The following SRD5A3 variants were observed in gnomAD, a reference collection of about 807,000 sequenced individuals.
SRD5A3 encodes the protein polyprenal reductase.
In SRD5A3, 24 loss-of-function variants were observed where a neutral mutation model predicts 34.3. The observed-to-expected ratio is 0.70, with a 90% confidence interval of 0.51 to 0.99. SRD5A3 has a LOEUF of 0.99. SRD5A3 is among the 50% of genes least tolerant of loss of function. The probability of loss-of-function intolerance (pLI) is 0.00; values close to 1 mark genes in which losing one functional copy is unlikely to be tolerated. For synonymous variants in SRD5A3, 161 were observed against 167.3 expected, an observed-to-expected ratio of 0.96 and a Z score of 0.29; for missense variants, 350 against 388.2, an observed-to-expected ratio of 0.90 and a Z score of 0.83.
At chr4:55,354,217 C>T (rs529319332) in intron 1 of SRD5A3, among the ~76,000 whole-genome samples, 2 of 152,222 alleles carry the variant, frequency 1.3e-5, no homozygotes, top group East Asian at 1.9e-4. Flanking sequence ...CGTGTCTCAG[C>T]CTCCCAAGGA....
At position 55,346,294 on chromosome 4, in the gene SRD5A3, G is replaced by A. The variant is rs1718988066; in HGVS notation, c.-43G>A. 2 of 1,365,146 alleles carry A rather than the reference G, an allele frequency of 1.5e-6. No homozygotes were observed. The highest frequency in any genetic ancestry group is 3.1e-5 in the East Asian group (1 of 32,526). 84.6% of individuals were successfully genotyped at this position (1,365,146 alleles called of 1,614,324 possible). ...GTGGCCGCTCTTCCGCGGGCTAGCG[G>A]GCGGTGGGGGCGCCAGCAGCGCGGA... On this transcript the variant is annotated 5_prime_UTR_variant, in exon 1 of 5. Transcript: ENST00000264228.
rs1477744481 is a variant in SRD5A3, at chr4:55,361,907, AGACT to A, written c.365-2161_365-2158del. ...TTCATCTCTTCGTTTGTTTACTGTG[AGACT>A]GACTGGGGTGTTTTGGTATTTGGAG... is the stretch of plus-strand genomic sequence containing the variant. On this transcript the variant is annotated intron_variant, in intron 2 of 4. Coordinates refer to ENST00000264228, the MANE Select transcript of SRD5A3 (RefSeq NM_024592.5). Among the ~76,000 whole-genome samples, 13 of 152,324 alleles carry A rather than the reference AGACT, an allele frequency of 8.5e-5. 1 individual carries two copies. The highest frequency in any genetic ancestry group is 2.1e-4 in the South Asian group (1 of 4,830).
chr4:55,369,900 T>G lies in SRD5A3; in HGVS notation c.766T>G (p.Tyr256Asp). 3 of 1,614,192 alleles carry G rather than the reference T, an allele frequency of 1.9e-6. No homozygotes were observed. The highest frequency in any genetic ancestry group is 2.5e-6 in the Non-Finnish European group (3 of 1,180,034). Residue 256 changes from tyrosine to aspartate, a missense_variant, in exon 5 of 5, where the codon TAC becomes GAC. Physicochemically the swap from Tyr to Asp is radical, Grantham distance 160. Transcript: ENST00000264228. ...DWFEYVSSPNYLAELMIYVSM... is the reference protein window; with the variant it reads ...DWFEYVSSPNDLAELMIYVSM... ...GTTTGAATATGTTTCTTCCCCTAAC[T>G]ACTTAGCAGAGCTGATGATCTACGT...
chr4:55,369,587 C>G lies in SRD5A3; in HGVS notation c.698-245C>G. ...TCTACAAAAAATTCAAAAAATGAGC[C>G]AGGCATGGTGATGCATACCTGTGGT... On this transcript the variant is annotated intron_variant, in intron 4 of 4. Coordinates refer to ENST00000264228, the MANE Select transcript of SRD5A3 (RefSeq NM_024592.5). 3 of 524,690 alleles carry G rather than the reference C, an allele frequency of 5.7e-6. No individual in the cohort carries two copies. In the East Asian group the frequency reaches 1.0e-4, roughly 18 times the overall value. 32.5% of individuals were successfully genotyped at this position (524,690 alleles called of 1,614,324 possible).
In SRD5A3 at chr4:55,364,200, GT is replaced by G. The variant is rs1409227897; in HGVS notation, c.495del (p.Phe165LeufsTer11). 6 of 1,614,048 alleles carry G rather than the reference GT, an allele frequency of 3.7e-6. No homozygotes were observed. The highest frequency in any genetic ancestry group is 5.1e-6 in the Non-Finnish European group (6 of 1,180,044). ...SNVMIHVVQYCFGLVYYVLVG... is the reference protein window; with the variant it reads ...SNVMIHVVQYXFGLVYYVLVG... The stretch of plus-strand genomic sequence containing the variant: ...GTCATGATTCACGTCGTGCAGTACT[GT>G]TTTGGACTTGTCTATTATGTCCTTG... On this transcript the variant is annotated frameshift_variant, in exon 3 of 5. Transcript: ENST00000264228. LOFTEE classifies it high-confidence loss of function.
chr4:55,364,264 C>A lies in SRD5A3; in HGVS notation c.555C>A (p.Gly185=). Residue 185 remains glycine (G), a synonymous_variant, in exon 3 of 5, where the codon GGC becomes GGA. Transcript: ENST00000264228. ...LTVLSQVPMD[G]RNAYITGKNL... The stretch of plus-strand genomic sequence containing the variant: ...TGCTGAGCCAAGTGCCAATGGATGG[C>A]AGGAATGGTGAGTGGATCCAGCCCT... 2 of 1,614,042 alleles carry A rather than the reference C, an allele frequency of 1.2e-6. No homozygotes were observed. Among genetic ancestry groups the A allele is most frequent in the Non-Finnish European group, 1.7e-6 (2 of 1,180,006 alleles).
intron 3 of SRD5A3, 45 bp downstream of exon 3, chr4:55,364,316 A>G (rs774357161): frequency 6.3e-7 from 1 of 1,599,130 alleles, no homozygotes; most frequent in South Asian, 1.1e-5. Context: ...CCCAGGGTGT[A>G]TGATGCGCTC....
At chr4:55,360,746 T>TGGTG (rs969701271) in intron 2 of SRD5A3, among the ~76,000 whole-genome samples, 2 of 146,662 alleles carry the variant, frequency 1.4e-5, no homozygotes, top group African/African-American at 4.9e-5. Flanking sequence ...TGGAGTGCAA[T>TGGTG]GGTGCAATCT....
In SRD5A3 at chr4:55,369,845, C is replaced by T. The variant is rs1238365633; in HGVS notation, c.711C>T (p.His237=). The change falls in exon 5 of 5, where the codon CAC becomes CAT. Residue 237 remains histidine, a synonymous_variant. Coordinates refer to ENST00000264228, the MANE Select transcript of SRD5A3 (RefSeq NM_024592.5). ...TTACCCTTTCAGGAGTGGTCATTCA[C>T]TGTAACCACAGGATCCCATTTGGAG... ...LRKNKAGVVI[H]CNHRIPFGDW... 1 of 1,614,004 alleles carries T rather than the reference C, an allele frequency of 6.2e-7. No individual in the cohort carries two copies. The highest frequency in any genetic ancestry group is 1.7e-5 in the Admixed American group (1 of 59,994).
chr4:55,364,033 C>T (rs759805297), intron 2 of SRD5A3, 41 bp from the exon 3 acceptor site: 1 of 1,604,130 alleles, frequency 6.2e-7, no homozygotes. Flanking sequence ...TGGATTAATC[C>T]CAGAAGAGAA....
At chr4:55,358,226 G>C (rs1240168086) in intron 1 of SRD5A3, among the ~76,000 whole-genome samples, 1 of 152,036 alleles carries the variant, frequency 6.6e-6, no homozygotes, top group Non-Finnish European at 1.5e-5. Flanking sequence ...TACATAAACA[G>C]ACCTCAAAAG....
At chr4:55,362,427 GTTTCT>G (rs1719720302) in intron 2 of SRD5A3, among the ~76,000 whole-genome samples, 2 of 151,576 alleles carry the variant, frequency 1.3e-5, no homozygotes, top group Non-Finnish European at 2.9e-5. Flanking sequence ...CATCCAGCCT[GTTTCT>G]TTTGTTTGTT....
rs865814793 is a variant in SRD5A3, at chr4:55,372,031, A to G, written c.*1940A>G. The stretch of plus-strand genomic sequence containing the variant: ...CTCTCCCATCAACCAAACACCACTT[A>G]AGATTAACCTGTGGCTCAGTCTACT... On this transcript the variant is annotated 3_prime_UTR_variant, in exon 5 of 5. Transcript: ENST00000264228. 9.2e-5 allele frequency: 14 copies of G among 152,304 alleles called. No individual in the cohort carries two copies. Among genetic ancestry groups the G allele is most frequent in the African/African-American group, 3.4e-4 (14 of 41,566 alleles). 9.4% of individuals were successfully genotyped at this position (152,304 alleles called of 1,614,324 possible).
rs963652479 is a variant in SRD5A3 at position 55,352,203 on chromosome 4, A to T, written c.221+5646A>T. 7.2e-5 allele frequency: 69 copies of T among 963,114 alleles called. 2 individuals are homozygous for T. The Admixed American group carries it at 1.1e-3, about 16-fold the overall frequency. The allele number at this position is 963,114 out of a possible 1,614,324, so 59.7% of individuals were successfully genotyped here. On this transcript the variant is annotated intron_variant, in intron 1 of 4. Coordinates refer to ENST00000264228, the MANE Select transcript of SRD5A3 (RefSeq NM_024592.5). ...TTGATAAAGGTTGGTATCAATGAGGATGTGGTAAGGTGGGCCCAGCTGTGT... is the reference window on the plus strand; with the variant it reads ...TTGATAAAGGTTGGTATCAATGAGGTTGTGGTAAGGTGGGCCCAGCTGTGT...
intron 1 of SRD5A3, among the ~76,000 whole-genome samples, chr4:55,355,224 C>T (rs537951417): frequency 1.8e-4 from 27 of 152,138 alleles, no homozygotes; most frequent in Non-Finnish European, 3.1e-4. Flanking sequence ...TTTGGGAGGC[C>T]GAGGCGGGTG....
intron 2 of SRD5A3, among the ~76,000 whole-genome samples, chr4:55,360,691 T>G (rs960505069): frequency 4.7e-4 from 71 of 150,182 alleles, no homozygotes; most frequent in African/African-American, 1.8e-3. Flanking sequence ...ATGGAACGTT[T>G]TTTTTTTTTT....
At chr4:55,369,005 C>G (rs1409406902) in intron 4 of SRD5A3, among the ~76,000 whole-genome samples, 6 of 152,146 alleles carry the variant, frequency 3.9e-5, no homozygotes, top group Non-Finnish European at 5.9e-5. Flanking sequence ...TCCCAAAGTG[C>G]TAGGATTACA....
rs1007990654 is a variant in SRD5A3 at position 55,355,400 on chromosome 4, A to G, written c.222-3946A>G. Reference sequence around the variant, plus strand: ...GTGAACCCAGGAGGAAGAGTTTGCAATGAACCAAGATCGTGCCACTGCACT... The same window carrying G: ...GTGAACCCAGGAGGAAGAGTTTGCAGTGAACCAAGATCGTGCCACTGCACT... On this transcript the variant is annotated intron_variant, in intron 1 of 4. Coordinates refer to ENST00000264228, the MANE Select transcript of SRD5A3 (RefSeq NM_024592.5). Among the ~76,000 whole-genome samples, 5 of 151,934 alleles carry G rather than the reference A, an allele frequency of 3.3e-5. No individual in the cohort carries two copies. In the East Asian group the frequency reaches 5.8e-4, roughly 18 times the overall value.
intron 1 of SRD5A3, among the ~76,000 whole-genome samples, chr4:55,347,345 T>G (rs1719033655): frequency 6.6e-6 from 1 of 152,204 alleles, no homozygotes; most frequent in South Asian, 2.1e-4. Context: ...AGATGCATCT[T>G]AGGCCGGGCG....
Sources: gnomAD v4.1 joint callset for allele counts (sites outside exome capture counted in the v4.1 genomes callset) on GRCh38, gnomAD v4.1.1 for gene constraint, MANE v1.5 for transcripts, NCBI Gene and HGNC (gene_info 2026-07-23, HGNC 2026-07-21) for gene names.